The following RAD54B variants were observed in gnomAD, a reference collection of about 807,000 sequenced individuals.
RAD54B encodes the protein DNA repair and recombination protein RAD54B.
A neutral mutation model predicts 95.8 loss-of-function variants in RAD54B; 78 were observed. The observed-to-expected ratio is 0.81, with a 90% confidence interval of 0.68 to 0.98. The LOEUF is 0.98. Ranked by LOEUF, RAD54B falls within the 50% of genes least tolerant of loss-of-function variation. RAD54B has a pLI of 0.00. For missense variants in RAD54B, 957 were observed against 1,056.6 expected (o/e 0.91, Z 1.31); for synonymous variants, 328 against 354.9 (o/e 0.92, Z 0.85).
At position 94,422,587 on chromosome 8, in the gene RAD54B, C is replaced by CAAAAA. The variant is rs60701725; in HGVS notation, c.305-11277_305-11273dup. ...TGGACGATAGAGCGAGACTTCGTCT[C>CAAAAA]AAAAAAAAAAAAAAAAAAAAAAAAA... On this transcript the variant is annotated intron_variant, in intron 3 of 14. Coordinates refer to ENST00000336148, the MANE Select transcript of RAD54B (RefSeq NM_012415.3). 5.6e-4 allele frequency among the ~76,000 whole-genome samples: 8 copies of CAAAAA among 14,296 alleles called. 1 individual carries two copies. Among genetic ancestry groups the CAAAAA allele is most frequent in the Non-Finnish European group, 8.0e-4 (5 of 6,218 alleles). 9.4% of individuals were successfully genotyped at this position (14,296 alleles called of 152,430 possible).
chr8:94,373,814 T>A (rs1322881266), intron 14 of RAD54B, among the ~76,000 whole-genome samples: 1 of 152,148 alleles, frequency 6.6e-6, no homozygotes, highest in African/African-American at 2.4e-5. Flanking sequence ...AAATTTCAAA[T>A]AAATATAATA....
chr8:94,420,684 TAA>T (rs58521756), intron 3 of RAD54B, among the ~76,000 whole-genome samples: 3 of 151,112 alleles, frequency 2.0e-5, no homozygotes, highest in Non-Finnish European at 4.4e-5. Context: ...AACACATACA[TAA>T]AAAAAAAGAA....
At chr8:94,432,687 T>A in intron 3 of RAD54B, 1 of 1,426,846 alleles carries the variant, frequency 7.0e-7, no homozygotes, top group Non-Finnish European at 9.2e-7. Flanking sequence ...TTATAATATG[T>A]AAATCAAATG....
intron 3 of RAD54B, among the ~76,000 whole-genome samples, chr8:94,419,747 C>CAAAAAAAAAA (rs36042247): frequency 1.4e-5 from 1 of 70,320 alleles, no homozygotes; most frequent in Non-Finnish European, 2.7e-5. Flanking sequence ...TGGCCCCCAC[C>CAAAAAAAAAA]AAAAAAAAAA....
chr8:94,435,070 G>C (rs972612278), intron 3 of RAD54B, among the ~76,000 whole-genome samples: 10 of 151,866 alleles, frequency 6.6e-5, no homozygotes, highest in Non-Finnish European at 1.0e-4. Flanking sequence ...ACTAACCAAA[G>C]GGTACAGTTT....
At chr8:94,412,828 A>G (rs1246191905) in intron 3 of RAD54B, among the ~76,000 whole-genome samples, 1 of 152,188 alleles carries the variant, frequency 6.6e-6, no homozygotes, top group East Asian at 1.9e-4. Context: ...AGAAATCCCC[A>G]GAGAATCTAA....
At chr8:94,372,715 G>A (rs1810470530) in intron 14 of RAD54B, among the ~76,000 whole-genome samples, 1 of 152,034 alleles carries the variant, frequency 6.6e-6, no homozygotes, top group Admixed American at 6.6e-5. Flanking sequence ...AACCTGTGGG[G>A]CCACGTTTAC....
chr8:94,427,214 C>A (rs1241575662), intron 3 of RAD54B, among the ~76,000 whole-genome samples: 1 of 151,940 alleles, frequency 6.6e-6, no homozygotes, highest in Admixed American at 6.6e-5. Flanking sequence ...TTTAAGTTGT[C>A]AGGACTGATA....
intron 3 of RAD54B, among the ~76,000 whole-genome samples, chr8:94,448,666 A>G (rs930428249): frequency 4.0e-5 from 6 of 149,604 alleles, no homozygotes; most frequent in Admixed American, 1.3e-4. Context: ...AAAATACTGC[A>G]TCTCACGTTA....
chr8:94,422,716 T>A (rs1397543497), intron 3 of RAD54B, among the ~76,000 whole-genome samples: 1 of 132,866 alleles, frequency 7.5e-6, no homozygotes, highest in Non-Finnish European at 1.6e-5. Context: ...AAATCCAGTT[T>A]CAGAATTTTC....
Position 94,411,200 on chromosome 8 carries a change from C to A in RAD54B, c.420G>T (p.Lys140Asn). The change falls in exon 4 of 15, where the codon AAG (lysine) becomes AAT (asparagine). Residue 140 changes from lysine (K) to asparagine (N), a missense_variant. Coordinates refer to ENST00000336148, the MANE Select transcript of RAD54B (RefSeq NM_012415.3). The part of the protein sequence containing the change: ...WCKPSKKKHK[K>N]WEGDAVLIVK... ...CAATAAGAACAGCATCACCTTCCCA[C>A]TTTTTATGTTTTTTCTTTGAAGGCT... 6.2e-7 allele frequency: 1 copy of A among 1,611,292 alleles called. No homozygotes were observed. The highest frequency in any genetic ancestry group is 1.1e-5 in the South Asian group (1 of 90,502).
At chr8:94,388,593 C>T (rs1220420042) in intron 10 of RAD54B, among the ~76,000 whole-genome samples, 3 of 152,082 alleles carry the variant, frequency 2.0e-5, no homozygotes, top group Non-Finnish European at 4.4e-5. Context: ...CAAATGTTTT[C>T]CTGTGTGTTG....
chr8:94,422,997 A>G (rs892276575), intron 3 of RAD54B, among the ~76,000 whole-genome samples: 1 of 151,600 alleles, frequency 6.6e-6, no homozygotes, highest in African/African-American at 2.4e-5. Context: ...ATACATATAT[A>G]TTTATCTTAA....
intron 14 of RAD54B, among the ~76,000 whole-genome samples, chr8:94,373,602 G>A (rs977303115): frequency 9.2e-5 from 14 of 152,134 alleles, no homozygotes; most frequent in Admixed American, 8.5e-4. Flanking sequence ...CTTATGAAAG[G>A]CTGTCCACTA....
intron 3 of RAD54B, chr8:94,429,243 G>T: frequency 1.8e-6 from 1 of 557,744 alleles, no homozygotes; most frequent in Non-Finnish European, 2.3e-6. Context: ...AAACAATGCT[G>T]CAGAAAAATA....
At chr8:94,455,735 T>C (rs1230686673) in intron 3 of RAD54B, among the ~76,000 whole-genome samples, 1 of 152,158 alleles carries the variant, frequency 6.6e-6, no homozygotes, top group African/African-American at 2.4e-5. Context: ...GAATCTTTCT[T>C]TGCTTCTTTC....
At chr8:94,443,016 A>G (rs1812439065) in intron 3 of RAD54B, among the ~76,000 whole-genome samples, 1 of 152,196 alleles carries the variant, frequency 6.6e-6, no homozygotes, top group African/African-American at 2.4e-5. Context: ...AAACCAGCAC[A>G]TGCCAATTGT....
intron 9 of RAD54B, 119 bp from the exon 10 acceptor site, chr8:94,392,018 G>C: frequency 1.0e-6 from 1 of 955,274 alleles, no homozygotes; most frequent in Non-Finnish European, 1.5e-6. Context: ...AATTTTAAAA[G>C]AAATAAAATA....
chr8:94,388,306 TAATA>T (rs1418370310), intron 10 of RAD54B, among the ~76,000 whole-genome samples: 1 of 152,210 alleles, frequency 6.6e-6, no homozygotes, highest in East Asian at 1.9e-4. Flanking sequence ...ACTTACTGAA[TAATA>T]AATATATTTT....
Sources: allele counts gnomAD v4.1 joint callset (sites outside exome capture counted in the v4.1 genomes callset), GRCh38; gene constraint gnomAD v4.1.1; transcripts MANE v1.5; gene names NCBI Gene and HGNC (gene_info 2026-07-23, HGNC 2026-07-21).